PTPRN2: variants seen among roughly 807,000 people sequenced by gnomAD.
PTPRN2 encodes protein tyrosine phosphatase receptor type N2, also known as receptor-type tyrosine-protein phosphatase N2.
A neutral mutation model predicts 118.8 loss-of-function variants in PTPRN2; 74 were observed. The ratio of observed to expected loss-of-function variants is 0.62; its 90% CI spans 0.52 to 0.76. PTPRN2 has a LOEUF of 0.76. Ranked by LOEUF, PTPRN2 falls within the 30% of genes least tolerant of loss-of-function variation. The probability of loss-of-function intolerance (pLI) is 0.00; values close to 1 mark genes in which losing one functional copy is unlikely to be tolerated. For missense variants in PTPRN2, 1,481 were observed against 1,394.4 expected (o/e 1.06, Z -0.99); for synonymous variants, 641 against 608.0 (o/e 1.05, Z -0.80).
At chr7:158,238,506 T>G (rs1795698189) in intron 3 of PTPRN2, among the ~76,000 whole-genome samples, 1 of 152,190 alleles carries the variant, frequency 6.6e-6, no homozygotes, top group African/African-American at 2.4e-5. Context: ...TCCAGCCACA[T>G]TCACGGTTTC....
At chr7:157,997,810 AGGGGAGATGAGT>A (rs1804870272) in intron 11 of PTPRN2, among the ~76,000 whole-genome samples, 6 of 100,588 alleles carry the variant, frequency 6.0e-5, no homozygotes, top group Non-Finnish European at 1.0e-4. Context: ...AATGGAGTGC[AGGGGAGATGAGT>A]GCACGGGAGA....
chr7:158,013,502 A>G (rs1038958441), intron 11 of PTPRN2, among the ~76,000 whole-genome samples: 5 of 151,198 alleles, frequency 3.3e-5, no homozygotes, highest in African/African-American at 9.7e-5. Context: ...CCATCCTCCA[A>G]TTCATCTGTT....
intron 2 of PTPRN2, among the ~76,000 whole-genome samples, chr7:158,476,853 G>T (rs1168005093): frequency 6.6e-6 from 1 of 152,238 alleles, no homozygotes; most frequent in Non-Finnish European, 1.5e-5. Context: ...GAAAGTTTGA[G>T]GAGCGAACCG....
intron 1 of PTPRN2, among the ~76,000 whole-genome samples, chr7:158,532,322 T>C (rs1250251050): frequency 6.6e-6 from 1 of 152,188 alleles, no homozygotes; most frequent in Non-Finnish European, 1.5e-5. Flanking sequence ...GGCTCTTAGA[T>C]GCCCAAAAGC....
At chr7:158,139,500 T>C (rs11971466) in intron 6 of PTPRN2, among the ~76,000 whole-genome samples, 140,816 of 151,930 alleles carry the variant, frequency 0.93, 65,287 homozygotes, top group Middle Eastern at 0.98. Flanking sequence ...CACGGGGGGG[T>C]GGGAAAGGAA....
chr7:157,666,850 C>T (rs1796160066), intron 13 of PTPRN2, among the ~76,000 whole-genome samples: 1 of 151,922 alleles, frequency 6.6e-6, no homozygotes, highest in Admixed American at 6.6e-5. Flanking sequence ...CTGACTTGCA[C>T]ACTTGGCCCA....
chr7:158,527,471 G>A (rs1234950042), intron 1 of PTPRN2, among the ~76,000 whole-genome samples: 2 of 152,210 alleles, frequency 1.3e-5, no homozygotes, highest in Non-Finnish European at 2.9e-5. Flanking sequence ...CTGCTTCAGT[G>A]CCATGGAGGC....
chr7:157,698,452 A>G (rs535909698), intron 12 of PTPRN2, among the ~76,000 whole-genome samples: 1 of 152,380 alleles, frequency 6.6e-6, no homozygotes, highest in East Asian at 1.9e-4. Flanking sequence ...CTTACATGAA[A>G]CCACGTGCTT....
At chr7:158,151,496 C>CACCCACCTTTCTATTCCT (rs1821131016) in intron 6 of PTPRN2, among the ~76,000 whole-genome samples, 1 of 151,694 alleles carries the variant, frequency 6.6e-6, no homozygotes. Context: ...CTGCCCACAC[C>CACCCACCTTTCTATTCCT]GCCCGCCTTT....
chr7:158,128,643 G>A (rs1011616451), intron 9 of PTPRN2, among the ~76,000 whole-genome samples: 5 of 152,160 alleles, frequency 3.3e-5, no homozygotes, highest in Non-Finnish European at 4.4e-5. Flanking sequence ...CCTCCAGGGT[G>A]AGCCCATTAG....
At chr7:158,561,151 T>G (rs540075640) in intron 1 of PTPRN2, among the ~76,000 whole-genome samples, 9 of 152,246 alleles carry the variant, frequency 5.9e-5, no homozygotes, top group Admixed American at 2.0e-4. Context: ...TAAGAAAGAT[T>G]ACGTAGATCG....
At chr7:158,153,179 ATTCGG>A (rs1821372410) in intron 6 of PTPRN2, among the ~76,000 whole-genome samples, 2 of 152,192 alleles carry the variant, frequency 1.3e-5, no homozygotes, top group Non-Finnish European at 2.9e-5. Flanking sequence ...GCCATCAAGC[ATTCGG>A]ACTCCAGGGG....
chr7:158,321,648 A>G (rs2151115553), intron 2 of PTPRN2, among the ~76,000 whole-genome samples: 1 of 152,196 alleles, frequency 6.6e-6, no homozygotes, highest in Admixed American at 6.5e-5. Flanking sequence ...CCTTAATTCC[A>G]AGTCTCACTG....
intron 12 of PTPRN2, among the ~76,000 whole-genome samples, chr7:157,685,819 G>A (rs577659543): frequency 1.5e-3 from 234 of 152,262 alleles, no homozygotes; most frequent in African/African-American, 4.1e-3. Context: ...AGGAGTCCCC[G>A]GAGGGGAAGC....
intron 11 of PTPRN2, among the ~76,000 whole-genome samples, chr7:157,899,022 T>C (rs1163077409): frequency 1.3e-5 from 2 of 152,242 alleles, no homozygotes; most frequent in African/African-American, 4.8e-5. Context: ...GAATCACTGA[T>C]GAGAAATATG....
rs1310704430 is a variant in PTPRN2, at chr7:158,166,965, C to G, written c.876G>C (p.Leu292=). The G allele has an allele frequency of 6.9e-7, 1 of 1,452,186 alleles. No homozygotes were observed. Among genetic ancestry groups the G allele is most frequent in the Non-Finnish European group, 9.1e-7 (1 of 1,098,422 alleles). 90.0% of individuals were successfully genotyped at this position (1,452,186 alleles called of 1,614,324 possible). The part of the protein sequence containing the change: ...PAAPQKWPSP[L]GDSEDPSSTG... ...TGCTGGAGGGGTCTTCGGAATCTCC[C>G]AGAGGTGAAGGCCACTTCTGGGGGG... Residue 292 remains leucine, a synonymous_variant, in exon 6 of 23, where the codon CTG becomes CTC. Coordinates refer to ENST00000389418, the MANE Select transcript of PTPRN2 (RefSeq NM_002847.5).
At chr7:158,518,039 T>G (rs1823696065) in intron 1 of PTPRN2, among the ~76,000 whole-genome samples, 2 of 152,180 alleles carry the variant, frequency 1.3e-5, no homozygotes, top group East Asian at 1.9e-4. Flanking sequence ...CTGGCCCAGC[T>G]CTCGCCAACT....
rs111219651 is a variant in PTPRN2, at chr7:158,071,445, G to T, written c.1723+9853C>A. Among the ~76,000 whole-genome samples the T allele has an allele frequency of 9.4e-4, 55 of 58,608 alleles. 5 individuals carry two copies. Among genetic ancestry groups the T allele is most frequent in the African/African-American group, 2.0e-3 (30 of 14,766 alleles). 38.4% of individuals were successfully genotyped at this position (58,608 alleles called of 152,430 possible). ...GGTGGAGGTGCTCGTGGTGGTGGAGGTGCTCGTGGTTGAGGTGCTCGTGGT... is the reference window on the plus strand; with the variant it reads ...GGTGGAGGTGCTCGTGGTGGTGGAGTTGCTCGTGGTTGAGGTGCTCGTGGT... On this transcript the variant is annotated intron_variant, in intron 11 of 22. Transcript: ENST00000389418.
chr7:157,654,697 T>C (rs942081463), intron 14 of PTPRN2, among the ~76,000 whole-genome samples: 6 of 152,346 alleles, frequency 3.9e-5, no homozygotes, highest in African/African-American at 1.4e-4. Flanking sequence ...TGGTGCTTGC[T>C]GTCAGAGCTG....
Sources: allele counts gnomAD v4.1 joint callset (sites outside exome capture counted in the v4.1 genomes callset), GRCh38; gene constraint gnomAD v4.1.1; transcripts MANE v1.5; gene names NCBI Gene and HGNC (gene_info 2026-07-23, HGNC 2026-07-21).